The following DIAPH2 variants were observed in gnomAD, a reference collection of about 807,000 sequenced individuals.
DIAPH2 encodes the protein protein diaphanous homolog 2.
Under a neutral mutation model 92.7 loss-of-function variants are expected in DIAPH2, and 35 were observed. The observed-to-expected ratio is 0.38, with a 90% confidence interval of 0.29 to 0.50. The LOEUF (loss-of-function observed/expected upper bound fraction) is 0.50, where lower values mean the gene tolerates loss of function less well. Ranked by LOEUF, DIAPH2 falls within the 20% of genes least tolerant of loss-of-function variation. The pLI, the probability that DIAPH2 is intolerant of heterozygous loss-of-function variation, is 0.94. For synonymous variants in DIAPH2, 301 were observed against 280.4 expected, an observed-to-expected ratio of 1.07 and a Z score of -0.73; for missense variants, 701 against 819.5, an observed-to-expected ratio of 0.86 and a Z score of 1.77.
chrX:96,871,969 A>G lies in DIAPH2; in HGVS notation c.448-9610A>G, dbSNP rs747428259. Among the ~76,000 whole-genome samples the G allele has an allele frequency of 1.5e-4, 17 of 112,326 alleles. 1 individual carries two copies. In the South Asian group the frequency reaches 4.4e-3, roughly 29 times the overall value. ...GTGCCTTCCCAGGGCATTATGGTGA[A>G]TGGAAGAAGTCCATGTGCCAAAAAG... On this transcript the variant is annotated intron_variant, in intron 4 of 26. Coordinates refer to ENST00000324765, the MANE Select transcript of DIAPH2 (RefSeq NM_006729.5).
intron 24 of DIAPH2, among the ~76,000 whole-genome samples, chrX:97,379,157 G>A (rs931675646): frequency 2.7e-5 from 3 of 110,837 alleles, no homozygotes; most frequent in Admixed American, 1.9e-4. Context: ...ATATGGAATC[G>A]TAGAATTACC....
At chrX:97,439,513 T>C (rs2070230662) in intron 26 of DIAPH2, among the ~76,000 whole-genome samples, 1 of 107,766 alleles carries the variant, frequency 9.3e-6, no homozygotes, top group East Asian at 2.9e-4. Context: ...GAGGTTGCAG[T>C]GAGCCGAGAT....
chrX:96,918,991 C>CT (rs1233850427), intron 9 of DIAPH2, among the ~76,000 whole-genome samples: 1 of 111,867 alleles, frequency 8.9e-6, no homozygotes, highest in Non-Finnish European at 1.9e-5. Flanking sequence ...ACACATCTCT[C>CT]TTTGTGCCAT....
chrX:97,154,206 A>G (rs2067305965), intron 22 of DIAPH2, among the ~76,000 whole-genome samples: 1 of 111,475 alleles, frequency 9.0e-6, no homozygotes, highest in Non-Finnish European at 1.9e-5. Context: ...CAGGAATTAT[A>G]TTAAGCATGG....
intron 26 of DIAPH2, among the ~76,000 whole-genome samples, chrX:97,506,138 C>CT (rs11385451): frequency 0.67 from 18,893 of 28,081 alleles, 8,773 homozygotes; most frequent in Non-Finnish European, 0.8. Flanking sequence ...TATCTAGTGC[C>CT]TTTTTTTTTT....
intron 25 of DIAPH2, among the ~76,000 whole-genome samples, chrX:97,425,107 C>A (rs952590600): frequency 3.6e-5 from 4 of 111,783 alleles, no homozygotes; most frequent in Non-Finnish European, 7.5e-5. Flanking sequence ...TCTACATAGT[C>A]TTTATAATTA....
chrX:96,793,417 C>T (rs1248639122), intron 4 of DIAPH2, among the ~76,000 whole-genome samples: 4 of 112,870 alleles, frequency 3.5e-5, no homozygotes, highest in Admixed American at 9.3e-5. Context: ...GATCTGCCCA[C>T]CTCAGCCTCC....
chrX:96,801,184 G>A (rs2064579370), intron 4 of DIAPH2, among the ~76,000 whole-genome samples: 1 of 112,186 alleles, frequency 8.9e-6, no homozygotes, highest in South Asian at 3.7e-4. Flanking sequence ...TTGTTTTGTT[G>A]CATATTGAAC....
Position 96,754,696 on chromosome X carries a change from G to A in DIAPH2, c.343-3458G>A, listed in dbSNP as rs368189918. Among the ~76,000 whole-genome samples, 10 of 109,292 alleles carry A rather than the reference G, an allele frequency of 9.1e-5. No homozygotes were observed. In the South Asian group the frequency reaches 1.2e-3, roughly 13 times the overall value. The allele number at this position is 109,292 out of a possible 115,157, so 94.9% of individuals were successfully genotyped here. A position where few individuals can be genotyped will look rare whatever the true frequency, so the allele number is the denominator to read the frequency against. On this transcript the variant is annotated intron_variant, in intron 3 of 26. Coordinates refer to ENST00000324765, the MANE Select transcript of DIAPH2 (RefSeq NM_006729.5). ...TCCCAGCACTTTGGGAGGCCGAGGC[G>A]GGTGGATCACTTGAGGCCAGGAGTT... is the stretch of plus-strand genomic sequence containing the variant.
intron 26 of DIAPH2, among the ~76,000 whole-genome samples, chrX:97,500,761 G>GAGAT (rs1242623061): frequency 6.5e-5 from 3 of 46,268 alleles, no homozygotes; most frequent in East Asian, 8.3e-4. Flanking sequence ...GCCATTCAAG[G>GAGAT]AGATATATAT....
chrX:97,418,959 A>G (rs2069978212), intron 25 of DIAPH2, among the ~76,000 whole-genome samples: 2 of 111,531 alleles, frequency 1.8e-5, no homozygotes, highest in African/African-American at 6.5e-5. Flanking sequence ...GTAGACTTAT[A>G]TTGAATGTTG....
At chrX:97,466,235 G>T (rs2070511751) in intron 26 of DIAPH2, among the ~76,000 whole-genome samples, 1 of 111,809 alleles carries the variant, frequency 8.9e-6, no homozygotes, top group Non-Finnish European at 1.9e-5. Flanking sequence ...CCCAAAGAAG[G>T]ACTTCACAAA....
intron 3 of DIAPH2, among the ~76,000 whole-genome samples, chrX:96,744,294 AAAGT>A (rs989938862): frequency 3.7e-4 from 42 of 112,362 alleles, no homozygotes; most frequent in Admixed American, 6.6e-4. Flanking sequence ...ACAGTGCCAC[AAAGT>A]AAGTAAGATT....
At chrX:97,437,761 TACACACACAC>T (rs58161143) in intron 26 of DIAPH2, among the ~76,000 whole-genome samples, 2 of 95,725 alleles carry the variant, frequency 2.1e-5, no homozygotes, top group African/African-American at 7.6e-5. Context: ...TACATGATTT[TACACACACAC>T]ACACACACAC....
intron 17 of DIAPH2, among the ~76,000 whole-genome samples, chrX:96,984,405 G>A (rs956508140): frequency 1.0e-4 from 11 of 110,448 alleles, no homozygotes; most frequent in East Asian, 2.8e-4. Context: ...TTCTTAGGCC[G>A]TAAGTTTCCT....
intron 3 of DIAPH2, among the ~76,000 whole-genome samples, chrX:96,743,358 C>CTGGATCAT (rs2064131273): frequency 9.0e-6 from 1 of 111,192 alleles, no homozygotes; most frequent in South Asian, 3.8e-4. Context: ...AGTGGAATTG[C>CTGGATCAT]TGGATCATAT....
At chrX:97,023,751 C>T (rs2066313135) in intron 17 of DIAPH2, among the ~76,000 whole-genome samples, 1 of 111,925 alleles carries the variant, frequency 8.9e-6, no homozygotes, top group Admixed American at 9.5e-5. Context: ...AGAATGTAGT[C>T]ATTAAGGGAA....
intron 7 of DIAPH2, among the ~76,000 whole-genome samples, chrX:96,915,071 A>G (rs1045934841): frequency 9.0e-6 from 1 of 110,951 alleles, no homozygotes; most frequent in Non-Finnish European, 1.9e-5. Flanking sequence ...AAAGCAACCC[A>G]TTGTTTCTTA....
At chrX:97,491,159 G>A (rs1007304493) in intron 26 of DIAPH2, among the ~76,000 whole-genome samples, 4 of 111,092 alleles carry the variant, frequency 3.6e-5, no homozygotes, top group Admixed American at 2.9e-4. Flanking sequence ...ATTATGTAAT[G>A]ACCTTTTTCG....
Sources: allele counts gnomAD v4.1 joint callset (sites outside exome capture counted in the v4.1 genomes callset), GRCh38; gene constraint gnomAD v4.1.1; transcripts MANE v1.5; gene names NCBI Gene and HGNC (gene_info 2026-07-23, HGNC 2026-07-21).